The following DAB1 variants were observed in gnomAD, a reference collection of about 807,000 sequenced individuals.
DAB1 encodes the protein DAB adaptor protein 1.
A neutral mutation model predicts 64.6 loss-of-function variants in DAB1; 15 were observed. That is an observed-to-expected ratio of 0.23 (90% CI 0.16 to 0.36). The LOEUF (loss-of-function observed/expected upper bound fraction) is 0.36, where lower values mean the gene tolerates loss of function less well. DAB1 is among the 10% of genes least tolerant of loss of function. The pLI is 1.00. For synonymous variants in DAB1, 235 were observed against 251.9 expected (o/e 0.93, Z 0.64); for missense variants, 596 against 706.7 (o/e 0.84, Z 1.78).
intron 5 of DAB1, among the ~76,000 whole-genome samples, chr1:58,025,079 C>T (rs1213810631): frequency 2.0e-5 from 3 of 151,644 alleles, no homozygotes; most frequent in Admixed American, 2.0e-4. Flanking sequence ...TTCCCTCCTC[C>T]TTCCTTCCCT....
At chr1:57,134,456 T>C (rs987246731) in intron 4 of DAB1, among the ~76,000 whole-genome samples, 7 of 151,628 alleles carry the variant, frequency 4.6e-5, no homozygotes, top group Non-Finnish European at 1.0e-4. Flanking sequence ...GGCGTGCTAG[T>C]GAACACCTGT....
At chr1:58,324,639 C>A (rs1311883503) in intron 4 of DAB1, among the ~76,000 whole-genome samples, 2 of 152,148 alleles carry the variant, frequency 1.3e-5, no homozygotes, top group African/African-American at 4.8e-5. Context: ...AAAGTGTTTT[C>A]TTTTTCTTAC....
At chr1:57,513,783 A>G (rs1481513511) in intron 7 of DAB1, among the ~76,000 whole-genome samples, 2 of 152,120 alleles carry the variant, frequency 1.3e-5, no homozygotes, top group African/African-American at 4.8e-5. Context: ...AGAACTCTTG[A>G]ATTTATTACT....
chr1:57,040,628 T>C (rs1377414783), intron 9 of DAB1, among the ~76,000 whole-genome samples: 1 of 152,178 alleles, frequency 6.6e-6, no homozygotes, highest in African/African-American at 2.4e-5. Flanking sequence ...CAAACAGATA[T>C]GCACAGGTAT....
intron 5 of DAB1, among the ~76,000 whole-genome samples, chr1:58,088,930 G>A (rs1026066882): frequency 1.3e-5 from 2 of 152,178 alleles, no homozygotes; most frequent in African/African-American, 2.4e-5. Flanking sequence ...GAAGGAACGC[G>A]GGGCAAGAAA....
intron 7 of DAB1, among the ~76,000 whole-genome samples, chr1:57,555,336 ATCTTTTT>A (rs1027376080): frequency 3.3e-5 from 5 of 149,454 alleles, no homozygotes; most frequent in Non-Finnish European, 5.9e-5. Context: ...CCTGGCCGGT[ATCTTTTT>A]TCTTTTTCAT....
intron 4 of DAB1, among the ~76,000 whole-genome samples, chr1:58,240,002 T>C (rs1010167823): frequency 1.5e-4 from 23 of 152,190 alleles, no homozygotes; most frequent in Non-Finnish European, 3.1e-4. Flanking sequence ...GTAACTATTT[T>C]ACACTCCACA....
At chr1:58,482,878 G>A (rs977721184) in intron 3 of DAB1, among the ~76,000 whole-genome samples, 1 of 152,114 alleles carries the variant, frequency 6.6e-6, no homozygotes, top group Non-Finnish European at 1.5e-5. Flanking sequence ...GACCTCACAG[G>A]TCATGCTAAG....
chr1:57,606,092 A>C, intron 7 of DAB1: 4 of 509,168 alleles, frequency 7.9e-6, no homozygotes, highest in South Asian at 7.5e-5. Flanking sequence ...CCTCTGATCA[A>C]GTCAGCACAT....
At chr1:57,658,497 G>T (rs1306671728) in intron 6 of DAB1, among the ~76,000 whole-genome samples, 2 of 151,626 alleles carry the variant, frequency 1.3e-5, no homozygotes, top group Non-Finnish European at 2.9e-5. Context: ...TAGAGACGGG[G>T]TTTCACCATG....
In DAB1 at chr1:58,184,233, C is replaced by A. The variant is rs181830052; in HGVS notation, n.310-33645G>T. ...GCCTACAGATATAAATCACATTCTT[C>A]AATATCAGTTTTATTATTAATAAAA... On this transcript the variant is annotated intron_variant and non_coding_transcript_variant, in intron 4 of 20. Transcript: ENST00000485760. Among the ~76,000 whole-genome samples the A allele has an allele frequency of 6.3e-4, 95 of 150,798 alleles. 1 individual carries two copies. The highest frequency in any genetic ancestry group is 4.4e-5 in the Non-Finnish European group (3 of 67,696).
intron 2 of DAB1, among the ~76,000 whole-genome samples, chr1:57,157,285 G>A (rs1204470286): frequency 6.6e-6 from 1 of 152,042 alleles, no homozygotes; most frequent in Non-Finnish European, 1.5e-5. Context: ...TGTCTTGGAG[G>A]GGTCAACTCC....
chr1:57,222,148 G>A (rs1044305899), intron 2 of DAB1, among the ~76,000 whole-genome samples: 27 of 152,032 alleles, frequency 1.8e-4, no homozygotes, highest in Non-Finnish European at 5.9e-5. Flanking sequence ...ACAAAGGGTC[G>A]AGAGGTAAAG....
chr1:57,912,782 A>G lies in DAB1; in HGVS notation n.388-28620T>C, dbSNP rs534624404. On this transcript the variant is annotated intron_variant and non_coding_transcript_variant, in intron 5 of 20. Coordinates refer to the DAB1 transcript ENST00000485760. ...AAATCAATGTGCAAAAATCACAAGT[A>G]TTCTTATACACCAATAACAGACAAA... Among the ~76,000 whole-genome samples, 472 of 152,334 alleles carry G rather than the reference A, an allele frequency of 3.1e-3. 1 individual carries two copies. Among genetic ancestry groups the G allele is most frequent in the Non-Finnish European group, 5.6e-3 (378 of 68,022 alleles).
At chr1:57,691,448 A>G (rs1646762907) in intron 6 of DAB1, among the ~76,000 whole-genome samples, 1 of 152,170 alleles carries the variant, frequency 6.6e-6, no homozygotes, top group Admixed American at 6.5e-5. Context: ...TGGCCACCCG[A>G]GACAGCAGCG....
At chr1:58,011,208 A>G (rs1222579755) in intron 5 of DAB1, among the ~76,000 whole-genome samples, 1 of 152,200 alleles carries the variant, frequency 6.6e-6, no homozygotes, top group Non-Finnish European at 1.5e-5. Flanking sequence ...ATGTAAATGT[A>G]AAAGGAATGA....
chr1:58,455,525 G>A (rs1419493266), intron 3 of DAB1, among the ~76,000 whole-genome samples: 1 of 152,248 alleles, frequency 6.6e-6, no homozygotes, highest in Non-Finnish European at 1.5e-5. Context: ...GGGTGAGGCG[G>A]TGCAGTTTAG....
intron 4 of DAB1, among the ~76,000 whole-genome samples, chr1:58,220,880 C>T (rs1557701379): frequency 1.3e-5 from 2 of 151,702 alleles, no homozygotes; most frequent in South Asian, 2.1e-4. Flanking sequence ...TATACACACA[C>T]ACACACACAC....
chr1:58,485,681 T>C (rs1645564982), intron 3 of DAB1, among the ~76,000 whole-genome samples: 1 of 152,132 alleles, frequency 6.6e-6, no homozygotes, highest in Non-Finnish European at 1.5e-5. Flanking sequence ...AATTCTAATC[T>C]ATCTTATTAA....
Sources: allele counts gnomAD v4.1 joint callset (sites outside exome capture counted in the v4.1 genomes callset), GRCh38; gene constraint gnomAD v4.1.1; transcripts MANE v1.5; gene names NCBI Gene and HGNC (gene_info 2026-07-23, HGNC 2026-07-21).